HTR1F: variants seen among roughly 807,000 people sequenced by gnomAD.
HTR1F encodes the protein 5-hydroxytryptamine (serotonin) receptor 1F, G protein-coupled.
Under a neutral mutation model 24.0 loss-of-function variants are expected in HTR1F, and 17 were observed. The ratio of observed to expected loss-of-function variants is 0.71; its 90% CI spans 0.48 to 1.06. HTR1F has a LOEUF of 1.06. Among genes scored for constraint, HTR1F ranks in the 50% least tolerant of loss-of-function variants. HTR1F has a pLI of 0.00. For missense variants in HTR1F, 391 were observed against 427.8 expected (o/e 0.91, Z 0.76); for synonymous variants, 186 against 156.8 (o/e 1.19, Z -1.39).
chr3:87,828,281 T>G (rs1044610390), intron 2 of HTR1F, among the ~76,000 whole-genome samples: 5 of 152,212 alleles, frequency 3.3e-5, no homozygotes. Context: ...TAACATGAAC[T>G]GGGAGTGTCA....
At chr3:87,938,335 A>G (rs1339267263) in intron 2 of HTR1F, among the ~76,000 whole-genome samples, 1 of 152,242 alleles carries the variant, frequency 6.6e-6, no homozygotes, top group African/African-American at 2.4e-5. Flanking sequence ...GGTATAAAAA[A>G]TCAGTATCAT....
chr3:87,857,590 T>C (rs1371894201), intron 2 of HTR1F, among the ~76,000 whole-genome samples: 2 of 152,138 alleles, frequency 1.3e-5, no homozygotes, highest in African/African-American at 2.4e-5. Context: ...AAAGACTTTT[T>C]TTTTAGAGTA....
At chr3:87,882,797 T>C (rs1705836411) in intron 2 of HTR1F, among the ~76,000 whole-genome samples, 1 of 151,912 alleles carries the variant, frequency 6.6e-6, no homozygotes, top group African/African-American at 2.4e-5. Flanking sequence ...ATGGCACATG[T>C]ATACATATGT....
At chr3:87,950,100 G>A (rs1309202666) in intron 2 of HTR1F, among the ~76,000 whole-genome samples, 4 of 152,082 alleles carry the variant, frequency 2.6e-5, no homozygotes, top group Non-Finnish European at 5.9e-5. Context: ...TCTCTCCCAG[G>A]AACTAATTCA....
At chr3:87,938,963 C>A (rs1704494352) in intron 2 of HTR1F, among the ~76,000 whole-genome samples, 1 of 152,154 alleles carries the variant, frequency 6.6e-6, no homozygotes, top group Non-Finnish European at 1.5e-5. Context: ...AGCTTCTGCA[C>A]AGCAAAATAA....
intron 2 of HTR1F, among the ~76,000 whole-genome samples, chr3:87,985,262 G>A (rs191954962): frequency 1.1e-4 from 16 of 152,134 alleles, no homozygotes; most frequent in African/African-American, 3.9e-4. Flanking sequence ...TTGAACCCAG[G>A]AGGCAGAGGT....
At chr3:87,873,659 A>G (rs1705608460) in intron 2 of HTR1F, among the ~76,000 whole-genome samples, 1 of 152,218 alleles carries the variant, frequency 6.6e-6, no homozygotes, top group African/African-American at 2.4e-5. Flanking sequence ...CATCACAAAT[A>G]TTGATGCAAA....
At chr3:87,941,486 G>T (rs1022437812) in intron 2 of HTR1F, among the ~76,000 whole-genome samples, 3 of 152,140 alleles carry the variant, frequency 2.0e-5, no homozygotes, top group Non-Finnish European at 2.9e-5. Flanking sequence ...AGAGCGCTTG[G>T]GTGGCTTGAT....
At chr3:87,990,034 G>A (rs943338080) in intron 2 of HTR1F, among the ~76,000 whole-genome samples, 4 of 152,164 alleles carry the variant, frequency 2.6e-5, no homozygotes, top group Non-Finnish European at 4.4e-5. Flanking sequence ...TAATCTAAAT[G>A]AGTCTAGGTG....
chr3:87,826,718 G>A (rs751402961), intron 2 of HTR1F, among the ~76,000 whole-genome samples: 1 of 152,134 alleles, frequency 6.6e-6, no homozygotes, highest in Non-Finnish European at 1.5e-5. Flanking sequence ...ACCTACTACC[G>A]TGTAAATTCC....
At chr3:87,938,193 G>A (rs1437335903) in intron 2 of HTR1F, among the ~76,000 whole-genome samples, 1 of 151,656 alleles carries the variant, frequency 6.6e-6, no homozygotes, top group Non-Finnish European at 1.5e-5. Context: ...GTTCACAATT[G>A]GCAAAAAGGA....
intron 2 of HTR1F, among the ~76,000 whole-genome samples, chr3:87,940,105 CTTAA>C (rs1343535420): frequency 6.6e-6 from 1 of 152,070 alleles, no homozygotes; most frequent in Non-Finnish European, 1.5e-5. Flanking sequence ...TTATTTCTGC[CTTAA>C]TTTTGTTATT....
At chr3:87,873,279 G>A (rs566312648) in intron 2 of HTR1F, among the ~76,000 whole-genome samples, 2 of 152,190 alleles carry the variant, frequency 1.3e-5, no homozygotes, top group South Asian at 2.1e-4. Flanking sequence ...AACCAGAGGA[G>A]CTGATGGTGT....
intron 2 of HTR1F, among the ~76,000 whole-genome samples, chr3:87,855,252 T>A (rs932724414): frequency 1.3e-5 from 2 of 152,066 alleles, no homozygotes; most frequent in African/African-American, 4.8e-5. Context: ...AATTTAGTTC[T>A]CACCTGTTTA....
intron 2 of HTR1F, among the ~76,000 whole-genome samples, chr3:87,870,838 A>G (rs1292589910): frequency 6.6e-6 from 1 of 152,118 alleles, no homozygotes; most frequent in Non-Finnish European, 1.5e-5. Flanking sequence ...GGAAATTTAT[A>G]TGCACAATTC....
At chr3:87,843,974 G>A (rs553478477) in intron 2 of HTR1F, among the ~76,000 whole-genome samples, 43 of 151,146 alleles carry the variant, frequency 2.8e-4, no homozygotes, top group African/African-American at 1.0e-3. Context: ...TGTGAATAAT[G>A]CTGCAATAAA....
At chr3:87,968,988 C>A (rs1490625145) in intron 2 of HTR1F, among the ~76,000 whole-genome samples, 1 of 152,218 alleles carries the variant, frequency 6.6e-6, no homozygotes, top group African/African-American at 2.4e-5. Context: ...GTGCAAGCAC[C>A]AAGCCTTGGC....
chr3:87,840,199 GT>G (rs753892615), intron 2 of HTR1F, among the ~76,000 whole-genome samples: 9 of 152,060 alleles, frequency 5.9e-5, no homozygotes, highest in Admixed American at 1.3e-4. Context: ...TTTTAATAGG[GT>G]TATTTCTTTT....
chr3:87,816,752 G>A lies in HTR1F; in HGVS notation c.-159-5256G>A, dbSNP rs140955506. ...GAACATGCCTTTAATCCTTCTGTAC[G>A]TAGTGACTAGTGACTAAAATAAGGT... On this transcript the variant is annotated intron_variant, in intron 1 of 2. Coordinates refer to ENST00000319595, the MANE Select transcript of HTR1F (RefSeq NM_001322209.2). Among the ~76,000 whole-genome samples, 92 of 152,110 alleles carry A rather than the reference G, an allele frequency of 6.0e-4. No homozygotes were observed. In the East Asian group the frequency reaches 9.6e-3, roughly 16 times the overall value.
Sources: allele counts gnomAD v4.1 joint callset (sites outside exome capture counted in the v4.1 genomes callset), GRCh38; gene constraint gnomAD v4.1.1; transcripts MANE v1.5; gene names NCBI Gene and HGNC (gene_info 2026-07-23, HGNC 2026-07-21).